ALDH3B2: variants seen among roughly 807,000 people sequenced by gnomAD.
The protein encoded by ALDH3B2 is aldehyde dehydrogenase family 3 member B2.
ALDH3B2 carries 45 observed loss-of-function variants against 36.7 expected under a neutral mutation model. The observed-to-expected ratio is 1.23, with a 90% confidence interval of 0.97 to 1.57. The LOEUF is 1.57. ALDH3B2 is among the 40% of genes most tolerant of loss of function. The pLI is 0.00. For missense variants in ALDH3B2, 464 were observed against 513.3 expected, an observed-to-expected ratio of 0.90 and a Z score of 0.93; for synonymous variants, 217 against 226.5, an observed-to-expected ratio of 0.96 and a Z score of 0.38.
At chr11:67,680,144 T>C (rs557813135) in intron 1 of ALDH3B2, among the ~76,000 whole-genome samples, 25 of 151,944 alleles carry the variant, frequency 1.6e-4, no homozygotes, top group Admixed American at 7.9e-4. Flanking sequence ...TGAAACCCCA[T>C]CTCTACTAAA....
chr11:67,666,055 A>G (rs1855897954), intron 6 of ALDH3B2, 67 bp downstream of exon 6: 3 of 1,488,804 alleles, frequency 2.0e-6, no homozygotes, highest in Non-Finnish European at 2.8e-6. Context: ...CTCCCTCCAC[A>G]ACCCTCCCAC....
At chr11:67,673,847 GAC>G (rs145448113) in intron 1 of ALDH3B2, 14,732 of 152,238 alleles carry the variant, frequency 0.097, 786 homozygotes, top group African/African-American at 0.12. Context: ...CCAGCCTTGT[GAC>G]ACCATGTGCC....
intron 2 of ALDH3B2, among the ~76,000 whole-genome samples, 164 bp downstream of exon 2, chr11:67,667,309 T>C (rs1392184813): frequency 6.6e-6 from 1 of 151,664 alleles, no homozygotes; most frequent in Non-Finnish European, 1.5e-5. Flanking sequence ...TGTTCAGGAG[T>C]GAAGGTCAGG....
chr11:67,662,998 T>A, exon 10 of ALDH3B2: 1 of 600,686 alleles, frequency 1.7e-6, no homozygotes. Flanking sequence ...ACCTGGCATG[T>A]TCTGCGGCCT....
chr11:67,663,857 C>A (rs1167911844), intron 8 of ALDH3B2, 96 bp from the exon 9 acceptor site: 10 of 1,003,950 alleles, frequency 1.0e-5, no homozygotes, highest in Non-Finnish European at 1.5e-5. Context: ...TCATCCTCAC[C>A]TGCCCCTCCA....
chr11:67,663,424 C>T (rs372730806), intron 9 of ALDH3B2, 25 bp from the exon 10 acceptor site: 278 of 1,596,596 alleles, frequency 1.7e-4, no homozygotes, highest in Non-Finnish European at 2.2e-4. Flanking sequence ...AGAACAAGGG[C>T]CTGAGACCAG....
At chr11:67,676,602 T>C (rs191743671), upstream of ALDH3B2, among the ~76,000 whole-genome samples, 1 of 151,324 alleles carries the variant, frequency 6.6e-6, no homozygotes, top group East Asian at 2.0e-4. Context: ...ATAACCAAGA[T>C]TAGAGCAGAA....
chr11:67,664,555 C>T (rs199694589), exon 8 of ALDH3B2: 11 of 1,613,196 alleles, frequency 6.8e-6, no homozygotes, highest in African/African-American at 2.7e-5. Flanking sequence ...CCACCAGCAC[C>T]GTGGGGGCTG....
rs56131633 is a variant in ALDH3B2 at position 67,664,688 on chromosome 11, G to A, written c.707-126C>T. 3.0e-3 allele frequency: 4,096 copies of A among 1,358,422 alleles called. 92 individuals are homozygous for A. The African/African-American group carries it at 0.043, about 14-fold the overall frequency. The allele number at this position is 1,358,422 out of a possible 1,614,324, so 84.1% of individuals were successfully genotyped here. The stretch of plus-strand genomic sequence containing the variant: ...CAGGATCCCAAGGTCTGACTTCCCA[G>A]CGCTTCAGGCTTTGGAGTGTTTAGG... On this transcript the variant is annotated intron_variant, in intron 7 of 9. Coordinates refer to ENST00000349015, the Ensembl canonical transcript of ALDH3B2.
At chr11:67,663,273 T>A in exon 10 of ALDH3B2, 1 of 1,613,906 alleles carries the variant, frequency 6.2e-7, no homozygotes, top group Non-Finnish European at 8.5e-7. Context: ...CTGGTTCCAG[T>A]CGGTATAGGG....
intron 3 of ALDH3B2, 49 bp from the exon 4 acceptor site, chr11:67,666,743 C>T: frequency 6.2e-7 from 1 of 1,611,124 alleles, no homozygotes; most frequent in Non-Finnish European, 8.5e-7. Context: ...CACCCCAAAG[C>T]CCACCCACTG....
At chr11:67,667,328 A>T (rs912127671) in intron 2 of ALDH3B2, 145 bp downstream of exon 2, 15 of 387,454 alleles carry the variant, frequency 3.9e-5, no homozygotes, top group African/African-American at 3.0e-4. Context: ...GGTGCCTGCC[A>T]CACTCCACAT....
At chr11:67,662,299 T>C (rs1336343281) in exon 10 of ALDH3B2, 1 of 152,238 alleles carries the variant, frequency 6.6e-6, no homozygotes, top group African/African-American at 2.4e-5. Context: ...GTAAGCAGCT[T>C]TTAAACAAGG....
chr11:67,666,724 G>A lies in ALDH3B2; in HGVS notation c.31-30C>T, dbSNP rs749766899. ...GGCACAGGGTAGACAGTGAGGCCCT[G>A]CCAAGGGCCACCCCAAAGCCCACCC... is the stretch of plus-strand genomic sequence containing the variant. On this transcript the variant is annotated intron_variant, in intron 3 of 9. Coordinates refer to ENST00000349015, the Ensembl canonical transcript of ALDH3B2. 3.7e-6 allele frequency: 6 copies of A among 1,613,002 alleles called. No homozygotes were observed. The Admixed American group carries it at 1.0e-4, about 27-fold the overall frequency.
At chr11:67,666,227 GGGGCGGGCTC>G (rs1407144404) in intron 5 of ALDH3B2, 24 bp from the exon 6 acceptor site, 3 of 1,512,274 alleles carry the variant, frequency 2.0e-6, no homozygotes, top group Non-Finnish European at 2.7e-6. Context: ...TGAGAGGCTC[GGGGCGGGCTC>G]GGGGCCAGCC....
In ALDH3B2 at chr11:67,665,255, G is replaced by A. The variant is rs553795835; in HGVS notation, c.706+30C>T. On this transcript the variant is annotated intron_variant, in intron 7 of 9. Coordinates refer to ENST00000349015, the Ensembl canonical transcript of ALDH3B2. ...TCCATTGAGAAAGGGTCTTGGCCCA[G>A]GTGGGCTGCGGTAGGGCAGCAGGAC... 4 of 1,571,912 alleles carry A rather than the reference G, an allele frequency of 2.5e-6. No homozygotes were observed. In the East Asian group the frequency reaches 9.0e-5, roughly 35 times the overall value.
Position 67,663,763 on chromosome 11 carries a change from T to C in ALDH3B2, c.874-2A>G. ...CCGCTCCAGCATCTGGTTCACAACCTGCCAGGGAGTGAGAAGGTGGGTGTT... is the reference window on the plus strand; with the variant it reads ...CCGCTCCAGCATCTGGTTCACAACCCGCCAGGGAGTGAGAAGGTGGGTGTT... On this transcript the variant is annotated splice_acceptor_variant, in intron 8 of 9. Coordinates refer to ENST00000349015, the Ensembl canonical transcript of ALDH3B2. LOFTEE classifies it high-confidence loss of function. 2 of 1,608,796 alleles carry C rather than the reference T, an allele frequency of 1.2e-6. No individual in the cohort carries two copies. The highest frequency in any genetic ancestry group is 1.7e-6 in the Non-Finnish European group (2 of 1,176,028).
exon 7 of ALDH3B2, chr11:67,665,512 C>A (rs780423643): frequency 1.2e-6 from 2 of 1,614,000 alleles, no homozygotes; most frequent in South Asian, 2.2e-5. Context: ...GCAGGTCTGG[C>A]CGGCATTGAA....
At chr11:67,666,850 G>A in intron 3 of ALDH3B2, 56 bp downstream of exon 3, 3 of 1,613,592 alleles carry the variant, frequency 1.9e-6, no homozygotes, top group South Asian at 2.2e-5. Flanking sequence ...GGGGGCCTGG[G>A]CCAGAGCTAC....
Sources: gnomAD v4.1 joint callset for allele counts (sites outside exome capture counted in the v4.1 genomes callset) on GRCh38, gnomAD v4.1.1 for gene constraint, MANE v1.5 for transcripts, NCBI Gene and HGNC (gene_info 2026-07-23, HGNC 2026-07-21) for gene names.